Variants in HIBCH observed in about 807,000 individuals in gnomAD.
The protein encoded by HIBCH is 3-hydroxyisobutyryl-CoA hydrolase, mitochondrial.
Under a neutral mutation model 58.2 loss-of-function variants are expected in HIBCH, and 50 were observed. The ratio of observed to expected loss-of-function variants is 0.86; its 90% CI spans 0.68 to 1.09. The LOEUF is 1.09. Among genes scored for constraint, HIBCH ranks in the 50% least tolerant of loss-of-function variants. The probability of loss-of-function intolerance (pLI) is 0.00; values close to 1 mark genes in which losing one functional copy is unlikely to be tolerated. For synonymous variants in HIBCH, 151 were observed against 146.9 expected, an observed-to-expected ratio of 1.03 and a Z score of -0.20; for missense variants, 450 against 449.7, an observed-to-expected ratio of 1.00 and a Z score of -0.01.
intron 11 of HIBCH, among the ~76,000 whole-genome samples, chr2:190,228,560 A>G (rs1685990883): frequency 6.6e-6 from 1 of 151,016 alleles, no homozygotes; most frequent in Non-Finnish European, 1.5e-5. Flanking sequence ...AAAAAAAAAG[A>G]GAGAGAGAGA....
At chr2:190,318,772 T>A (rs1433129645) in intron 1 of HIBCH, among the ~76,000 whole-genome samples, 1 of 152,190 alleles carries the variant, frequency 6.6e-6, no homozygotes, top group Middle Eastern at 3.2e-3. Flanking sequence ...ATTTACTAAA[T>A]CTCTCCATGA....
chr2:190,227,328 CCT>C (rs1209587841), intron 11 of HIBCH, among the ~76,000 whole-genome samples: 1 of 152,142 alleles, frequency 6.6e-6, no homozygotes, highest in Non-Finnish European at 1.5e-5. Context: ...GAAATGATTC[CCT>C]ATTTAATAAA....
At position 190,211,635 on chromosome 2, in the gene HIBCH, T is replaced by TC. The variant is rs1415675346; in HGVS notation, c.1011+1320dup. Among the ~76,000 whole-genome samples, 1 of 152,222 alleles carries TC rather than the reference T, an allele frequency of 6.6e-6. No individual in the cohort carries two copies. The highest frequency in any genetic ancestry group is 2.4e-5 in the African/African-American group (1 of 41,456). On this transcript the variant is annotated intron_variant, in intron 12 of 13. Coordinates refer to ENST00000359678, the MANE Select transcript of HIBCH (RefSeq NM_014362.4). This position sits in a 1 kb window ranked among gnomAD's most constrained non-coding sequence, Gnocchi z 5.0. The stretch of plus-strand genomic sequence containing the variant: ...CTTCCCTGATCTACTTAAGGAGGTT[T>TC]CCCATTGCCCCCCAACTCCCTCCTG...
chr2:190,314,952 T>TC (rs1688676109), intron 1 of HIBCH, among the ~76,000 whole-genome samples: 1 of 151,346 alleles, frequency 6.6e-6, no homozygotes, highest in Admixed American at 6.6e-5. Context: ...ACCTCTCCGC[T>TC]CCTTTTTTTT....
rs979935884 is a variant in HIBCH, at chr2:190,254,540, A to C, written c.518-2233T>G. Reference sequence around the variant, plus strand: ...TCATGCCTTCTCCCGTGAACACTGAACTCTTAGATCTGCCACCTAAACAGA... The same window carrying C: ...TCATGCCTTCTCCCGTGAACACTGACCTCTTAGATCTGCCACCTAAACAGA... On this transcript the variant is annotated intron_variant, in intron 7 of 13. Coordinates refer to ENST00000359678, the MANE Select transcript of HIBCH (RefSeq NM_014362.4). The surrounding 1 kb of genome is among the most constrained non-coding windows in gnomAD (Gnocchi z 5.0). Among the ~76,000 whole-genome samples the C allele has an allele frequency of 6.6e-6, 1 of 152,174 alleles. No homozygotes were observed. Among genetic ancestry groups the C allele is most frequent in the Non-Finnish European group, 1.5e-5 (1 of 68,032 alleles).
chr2:190,259,318 G>GGTGTGTGTGTGT (rs1364718798), intron 7 of HIBCH, among the ~76,000 whole-genome samples: 8 of 71,280 alleles, frequency 1.1e-4, no homozygotes, highest in Non-Finnish European at 2.0e-4. Context: ...TCAGTATACA[G>GGTGTGTGTGTGT]ATGTGTGTGT....
In HIBCH at chr2:190,304,939, T is replaced by C. The variant is rs1169003938; in HGVS notation, c.78+5815A>G. On this transcript the variant is annotated intron_variant, in intron 2 of 13. Coordinates refer to ENST00000359678, the MANE Select transcript of HIBCH (RefSeq NM_014362.4). The surrounding 1 kb of genome is among the most constrained non-coding windows in gnomAD (Gnocchi z 4.1). ...GCTTTAGTAAAAAAAGTGTTAGAATTGAAGCACAAAAAATCCTGGGTTCTA... is the reference window on the plus strand; with the variant it reads ...GCTTTAGTAAAAAAAGTGTTAGAATCGAAGCACAAAAAATCCTGGGTTCTA... Among the ~76,000 whole-genome samples, 1 of 149,846 alleles carries C rather than the reference T, an allele frequency of 6.7e-6. No homozygotes were observed. The highest frequency in any genetic ancestry group is 2.5e-5 in the African/African-American group (1 of 40,758).
intron 1 of HIBCH, among the ~76,000 whole-genome samples, chr2:190,195,941 C>CAT (rs747679063): frequency 1.2e-5 from 1 of 86,210 alleles, no homozygotes; most frequent in Non-Finnish European, 2.3e-5. Context: ...CTGTGTCCAG[C>CAT]TTTTTTTTTT....
intron 13 of HIBCH, among the ~76,000 whole-genome samples, chr2:190,205,515 TTC>T (rs1349761254): frequency 6.6e-6 from 1 of 152,176 alleles, no homozygotes; most frequent in Non-Finnish European, 1.5e-5. Context: ...AACATTAGAA[TTC>T]TTTTTTTCTT....
At chr2:190,256,662 T>C (rs1686934175) in intron 7 of HIBCH, among the ~76,000 whole-genome samples, 1 of 151,966 alleles carries the variant, frequency 6.6e-6, no homozygotes, top group Non-Finnish European at 1.5e-5. Context: ...TAAAAGGGGA[T>C]TTAAAAAAAT....
chr2:190,201,008 T>C (rs182824747), downstream of HIBCH: 4 of 167,108 alleles, frequency 2.4e-5, no homozygotes, highest in East Asian at 5.8e-4. Flanking sequence ...TGGGCATTTA[T>C]TTCCAGTTTT....
downstream of HIBCH, chr2:190,199,992 CAA>C (rs758531417): frequency 3.8e-5 from 61 of 1,614,020 alleles, no homozygotes; most frequent in South Asian, 6.7e-4. Flanking sequence ...CAGTTAATGT[CAA>C]AGAGGAAGTG....
chr2:190,263,270 C>T (rs1252746275), intron 6 of HIBCH, among the ~76,000 whole-genome samples: 1 of 152,186 alleles, frequency 6.6e-6, no homozygotes, highest in Non-Finnish European at 1.5e-5. Context: ...CTCCCCCAAA[C>T]CTACCAAACC....
intron 12 of HIBCH, 43 bp from the exon 13 acceptor site, chr2:190,208,956 C>G: frequency 6.3e-7 from 1 of 1,575,972 alleles, no homozygotes; most frequent in Non-Finnish European, 8.7e-7. Context: ...TTCTGGGTGT[C>G]CTTATTCTGG....
Position 190,210,456 on chromosome 2 carries a change from G to C in HIBCH, c.1012-1543C>G, listed in dbSNP as rs1262433948. Among the ~76,000 whole-genome samples, 1 of 151,994 alleles carries C rather than the reference G, an allele frequency of 6.6e-6. No individual in the cohort carries two copies. Among genetic ancestry groups the C allele is most frequent in the East Asian group, 1.9e-4 (1 of 5,194 alleles). On this transcript the variant is annotated intron_variant, in intron 12 of 13. Transcript: ENST00000359678. This position sits in a 1 kb window ranked among gnomAD's most constrained non-coding sequence, Gnocchi z 5.5. ...CCTCAAAATGTTAGAGTTCCTTAGG[G>C]CTCAGGTCTGGACTCTCATTTTCTT... is the stretch of plus-strand genomic sequence containing the variant.
At chr2:190,258,896 T>C (rs11895650) in intron 7 of HIBCH, among the ~76,000 whole-genome samples, 2,308 of 152,354 alleles carry the variant, frequency 0.015, 63 homozygotes, top group African/African-American at 0.051. Context: ...CCATTATGTA[T>C]TCTTGGCATC....
chr2:190,244,612 G>A (rs915425862), intron 11 of HIBCH, among the ~76,000 whole-genome samples: 1 of 152,134 alleles, frequency 6.6e-6, no homozygotes, highest in Non-Finnish European at 1.5e-5. Flanking sequence ...AGGACTATTT[G>A]GAAATGAAGC....
At chr2:190,194,487 C>A (rs4030004) in intron 1 of HIBCH, among the ~76,000 whole-genome samples, 26 of 135,182 alleles carry the variant, frequency 1.9e-4, no homozygotes, top group African/African-American at 6.9e-4. Flanking sequence ...TACACACACA[C>A]ACACACACAC....
intron 2 of HIBCH, among the ~76,000 whole-genome samples, chr2:190,299,696 G>T (rs190434024): frequency 6.6e-6 from 1 of 152,104 alleles, no homozygotes; most frequent in Admixed American, 6.5e-5. Context: ...TTTTATTTTA[G>T]GTTCAGGGTA....
Sources: gnomAD v4.1 joint callset for allele counts (sites outside exome capture counted in the v4.1 genomes callset) on GRCh38, gnomAD v4.1.1 for gene constraint, Gnocchi (gnomAD v3.1) non-coding constraint, MANE v1.5 for transcripts, NCBI Gene and HGNC (gene_info 2026-07-23, HGNC 2026-07-21) for gene names.